NEBL: variants seen among roughly 807,000 people sequenced by gnomAD.
NEBL encodes nebulette, also known as LIM and SH3 protein 2.
Under a neutral mutation model 140.2 loss-of-function variants are expected in NEBL, and 122 were observed. The ratio of observed to expected loss-of-function variants is 0.87; its 90% confidence interval spans 0.75 to 1.01. The LOEUF (loss-of-function observed/expected upper bound fraction) is 1.01. Ranked by LOEUF, NEBL falls within the 50% of genes least tolerant of loss-of-function variation. The pLI is 0.00. For missense variants in NEBL, 1,365 were observed against 1,231.3 expected, an observed-to-expected ratio of 1.11 and a Z score of -1.62; for synonymous variants, 436 against 398.9, an observed-to-expected ratio of 1.09 and a Z score of -1.11.
At chr10:21,060,898 C>G (rs1044024044) in intron 2 of NEBL, among the ~76,000 whole-genome samples, 1 of 152,126 alleles carries the variant, frequency 6.6e-6, no homozygotes, top group Non-Finnish European at 1.5e-5. Flanking sequence ...AAAGCACACT[C>G]TTCACTTGGC....
At chr10:21,239,903 C>G (rs1279944770) in intron 3 of NEBL, among the ~76,000 whole-genome samples, 1 of 151,868 alleles carries the variant, frequency 6.6e-6, no homozygotes, top group Non-Finnish European at 1.5e-5. Flanking sequence ...GTAGTCCCAG[C>G]TACTCTGGAG....
rs984898832 is a variant in NEBL at position 21,116,801 on chromosome 10, C to T, written c.164+55582G>A. Among the ~76,000 whole-genome samples the T allele has an allele frequency of 7.2e-5, 11 of 152,158 alleles. No homozygotes were observed. In the East Asian group the frequency reaches 1.9e-3, roughly 27 times the overall value. ...CCTCCCACCTTAACCTCTTGAGCAG[C>T]TGGGACTACAGGTGTGCCGCACCAA... is the stretch of plus-strand genomic sequence containing the variant. On this transcript the variant is annotated intron_variant, in intron 2 of 6. Transcript: ENST00000417816.
chr10:21,257,916 A>AC (rs1564550996), intron 1 of NEBL, among the ~76,000 whole-genome samples: 2 of 150,542 alleles, frequency 1.3e-5, no homozygotes. Context: ...AAAACATCAA[A>AC]ACACACACAC....
intron 2 of NEBL, among the ~76,000 whole-genome samples, chr10:20,896,652 T>C (rs1302822709): frequency 6.6e-6 from 1 of 151,836 alleles, no homozygotes; most frequent in Non-Finnish European, 1.5e-5. Context: ...TTTAAAATCT[T>C]TGGGGGTTCT....
At chr10:20,928,497 T>C (rs1379601015) in intron 4 of NEBL, among the ~76,000 whole-genome samples, 1 of 151,964 alleles carries the variant, frequency 6.6e-6, no homozygotes, top group Non-Finnish European at 1.5e-5. Flanking sequence ...TCTTAAGCGC[T>C]AAGAAAAAGG....
chr10:20,930,591 C>T (rs1209438085), intron 4 of NEBL, among the ~76,000 whole-genome samples: 1 of 152,162 alleles, frequency 6.6e-6, no homozygotes, highest in African/African-American at 2.4e-5. Flanking sequence ...AATCCTACAC[C>T]AGTTCCCCTT....
At position 20,784,297 on chromosome 10, in the gene NEBL, G is replaced by C. The variant is rs1835225370; in HGVS notation, c.*1450C>G. On this transcript the variant is annotated 3_prime_UTR_variant, in exon 28 of 28. Transcript: ENST00000377122. ...ACAGGGTTGCCGACGGGTGCCGCTG[G>C]CTTGGTGACCTGGACTGCAGACTCT... 1 of 152,132 alleles carries C rather than the reference G, an allele frequency of 6.6e-6. No homozygotes were observed. The highest frequency in any genetic ancestry group is 1.5e-5 in the Non-Finnish European group (1 of 68,042). 9.4% of individuals were successfully genotyped at this position (152,132 alleles called of 1,614,324 possible).
intron 2 of NEBL, among the ~76,000 whole-genome samples, chr10:21,140,237 G>A (rs1257675897): frequency 6.6e-6 from 1 of 152,202 alleles, no homozygotes; most frequent in African/African-American, 2.4e-5. Flanking sequence ...AAATGTGCCA[G>A]ATTTGAATTG....
In NEBL at chr10:21,227,653, TTTCTTC is replaced by T. The variant is rs549558619; in HGVS notation, n.348+20262_348+20267del. Among the ~76,000 whole-genome samples the T allele has an allele frequency of 8.3e-3, 687 of 83,198 alleles. 20 individuals carry two copies. The highest frequency in any genetic ancestry group is 0.013 in the Middle Eastern group (2 of 152). The allele number at this position is 83,198 out of a possible 152,430, so 54.6% of individuals were successfully genotyped here. ...TAAGGGAATTCAAAAGCACTTGAAG[TTTCTTC>T]TTCTTCTTCTTCTTCTTCTTCTTCT... On this transcript the variant is annotated intron_variant and non_coding_transcript_variant, in intron 3 of 8. Coordinates refer to the NEBL transcript ENST00000675702.
At chr10:20,835,478 T>C (rs1384948064) in intron 14 of NEBL, 35 bp downstream of exon 14, 2 of 1,447,372 alleles carry the variant, frequency 1.4e-6, no homozygotes, top group Non-Finnish European at 1.9e-6. Context: ...TTCCAAAATA[T>C]GAGTCTTAAG....
At chr10:20,884,583 T>A (rs1169808218) in intron 4 of NEBL, among the ~76,000 whole-genome samples, 2 of 152,226 alleles carry the variant, frequency 1.3e-5, no homozygotes, top group African/African-American at 4.8e-5. Context: ...TCTAACAACA[T>A]AGCATAAGAT....
intron 4 of NEBL, among the ~76,000 whole-genome samples, chr10:20,944,689 C>A (rs1187418842): frequency 6.6e-6 from 1 of 152,312 alleles, no homozygotes; most frequent in South Asian, 2.1e-4. Context: ...CACACCATTG[C>A]CCAATTTACA....
intron 4 of NEBL, among the ~76,000 whole-genome samples, chr10:20,961,183 AC>A (rs1376125458): frequency 2.0e-5 from 3 of 152,186 alleles, no homozygotes; most frequent in Admixed American, 6.5e-5. Context: ...ATATTAATAA[AC>A]AAGGCACAGC....
intron 3 of NEBL, among the ~76,000 whole-genome samples, chr10:21,013,624 T>A (rs1421914765): frequency 6.6e-6 from 1 of 152,190 alleles, no homozygotes; most frequent in Non-Finnish European, 1.5e-5. Flanking sequence ...ACGCCTGTAA[T>A]CCTACCACTT....
intron 3 of NEBL, among the ~76,000 whole-genome samples, chr10:21,220,806 C>A (rs1189274905): frequency 2.0e-5 from 3 of 152,122 alleles, no homozygotes; most frequent in Non-Finnish European, 4.4e-5. Context: ...TCAATATCAA[C>A]AAAACAAATA....
chr10:21,149,875 C>A (rs999405217), intron 2 of NEBL, among the ~76,000 whole-genome samples: 1 of 152,200 alleles, frequency 6.6e-6, no homozygotes, highest in African/African-American at 2.4e-5. Context: ...ATGTCCACTG[C>A]AGAACTGATC....
In NEBL at chr10:20,846,514, A is replaced by G. The variant is rs189012695; in HGVS notation, c.1117-1146T>C. ...ATAGCCACAAGGAGAGAAACAAAGG[A>G]TGTTCTGAAAGTCTAACAAAGTTAA... On this transcript the variant is annotated intron_variant, in intron 11 of 27. Transcript: ENST00000377122. Among the ~76,000 whole-genome samples the G allele has an allele frequency of 4.7e-3, 714 of 152,276 alleles. 5 individuals carry two copies. The highest frequency in any genetic ancestry group is 0.016 in the African/African-American group (670 of 41,556).
chr10:20,829,540 A>G (rs55725603), intron 16 of NEBL, among the ~76,000 whole-genome samples: 33,553 of 151,646 alleles, frequency 0.22, 4,472 homozygotes, highest in East Asian at 0.4. Context: ...TACATATGTA[A>G]CTAACCTGCA....
At position 20,897,183 on chromosome 10, in the gene NEBL, TCCTCAAATACAGGGAC is replaced by T; in HGVS notation, c.7_22del (p.Val3IlefsTer2). The T allele has an allele frequency of 2.5e-6, 4 of 1,603,988 alleles. No individual in the cohort carries two copies. The highest frequency in any genetic ancestry group is 1.1e-5 in the South Asian group (1 of 90,404). On this transcript the variant is annotated frameshift_variant, in exon 1 of 28. Transcript: ENST00000377122. LOFTEE classifies it high-confidence loss of function. ...TTCTTCTTCAGTTTCATCTTTTATA[TCCTCAAATACAGGGAC>T]CCTCATTTTTACCCTTTAAAATATT...
Sources: gnomAD v4.1 joint callset for allele counts (sites outside exome capture counted in the v4.1 genomes callset) on GRCh38, gnomAD v4.1.1 for gene constraint, MANE v1.5 for transcripts, NCBI Gene and HGNC (gene_info 2026-07-23, HGNC 2026-07-21) for gene names.